MTRF1: variants seen among roughly 807,000 people sequenced by gnomAD.
The protein encoded by MTRF1 is peptide chain release factor 1, mitochondrial.
Under a neutral mutation model 62.9 loss-of-function variants are expected in MTRF1, and 51 were observed. The observed-to-expected ratio is 0.81, with a 90% CI of 0.65 to 1.02. MTRF1 has a LOEUF of 1.02. Among genes scored for constraint, MTRF1 ranks in the 50% least tolerant of loss-of-function variants. MTRF1 has a pLI of 0.00. For synonymous variants in MTRF1, 158 were observed against 181.9 expected (o/e 0.87, Z 1.06); for missense variants, 446 against 530.0 (o/e 0.84, Z 1.56).
chr13:41,246,085 G>C (rs911153382), intron 5 of MTRF1, among the ~76,000 whole-genome samples: 1 of 152,114 alleles, frequency 6.6e-6, no homozygotes, highest in African/African-American at 2.4e-5. Context: ...CCTCCTCCCA[G>C]CTCCAGCTCA....
intron 5 of MTRF1, among the ~76,000 whole-genome samples, chr13:41,245,215 C>T (rs990521312): frequency 1.3e-5 from 2 of 151,150 alleles, no homozygotes; most frequent in African/African-American, 4.8e-5. Context: ...CATTTCTAAT[C>T]CTGATTTATC....
chr13:41,273,131 C>T, the MTRF1 span, among the ~76,000 whole-genome samples: 4 of 151,866 alleles, frequency 2.6e-5, no homozygotes. Context: ...TCGAGACCAT[C>T]CTAGCTAACA....
intron 5 of MTRF1, among the ~76,000 whole-genome samples, chr13:41,241,432 G>A (rs111433084): frequency 9.5e-4 from 145 of 152,218 alleles, no homozygotes; most frequent in African/African-American, 3.3e-3. Context: ...CAAATATGTG[G>A]TTTAGAGTCC....
chr13:41,252,610 G>T, intron 5 of MTRF1, 35 bp downstream of exon 5: 1 of 1,497,790 alleles, frequency 6.7e-7, no homozygotes, highest in Non-Finnish European at 9.2e-7. Context: ...ATAATTTTCA[G>T]TATCTCCTAC....
In MTRF1 at chr13:41,216,879, T is replaced by C. The variant is rs1261197682; in HGVS notation, c.*236A>G. 3.7e-6 allele frequency: 1 copy of C among 273,488 alleles called. No homozygotes were observed. Among genetic ancestry groups the C allele is most frequent in the African/African-American group, 2.2e-5 (1 of 45,426 alleles). 16.9% of individuals were successfully genotyped at this position (273,488 alleles called of 1,614,324 possible). ...CAATCAATTCTCAATACTTTCTCTT[T>C]TCAATGATGCATGCTTATTTTCTAC... On this transcript the variant is annotated 3_prime_UTR_variant, in exon 10 of 10. Coordinates refer to ENST00000379480, the MANE Select transcript of MTRF1 (RefSeq NM_004294.4).
chr13:41,225,730 A>C (rs974024146), intron 8 of MTRF1, among the ~76,000 whole-genome samples: 1 of 151,284 alleles, frequency 6.6e-6, no homozygotes, highest in African/African-American at 2.4e-5. Flanking sequence ...AATCGCTTGA[A>C]CCAGGGAGGT....
upstream of MTRF1, among the ~76,000 whole-genome samples, chr13:41,263,859 C>T (rs1472323996): frequency 6.6e-6 from 1 of 152,138 alleles, no homozygotes; most frequent in Non-Finnish European, 1.5e-5. Context: ...ACTCCCAGAG[C>T]GCCCACCAAA....
At chr13:41,250,993 C>T (rs954236845) in intron 5 of MTRF1, among the ~76,000 whole-genome samples, 9 of 152,150 alleles carry the variant, frequency 5.9e-5, no homozygotes, top group African/African-American at 2.2e-4. Flanking sequence ...CTGGATCAAA[C>T]AGACTAAAAT....
chr13:41,241,381 T>A (rs1262401518), intron 5 of MTRF1, among the ~76,000 whole-genome samples: 1 of 152,174 alleles, frequency 6.6e-6, no homozygotes, highest in Non-Finnish European at 1.5e-5. Flanking sequence ...AAATCTTTTT[T>A]ATGATACAAT....
chr13:41,244,528 C>T (rs1270911933), intron 5 of MTRF1, among the ~76,000 whole-genome samples: 1 of 152,222 alleles, frequency 6.6e-6, no homozygotes, highest in East Asian at 1.9e-4. Context: ...GGATCCCTGC[C>T]TGCTGGTATT....
the MTRF1 span, among the ~76,000 whole-genome samples, chr13:41,298,830 G>A: frequency 2.6e-5 from 4 of 152,208 alleles, no homozygotes; most frequent in Non-Finnish European, 4.4e-5. Context: ...CAGAACAGCG[G>A]AAGAAGGAGG....
chr13:41,220,611 G>A, intron 9 of MTRF1: 1 of 1,288,354 alleles, frequency 7.8e-7, no homozygotes, highest in Non-Finnish European at 1.0e-6. Flanking sequence ...AATGTGCAGG[G>A]TCACGACTAC....
At chr13:41,237,498 T>C (rs557559939) in intron 6 of MTRF1, among the ~76,000 whole-genome samples, 76 of 152,166 alleles carry the variant, frequency 5.0e-4, no homozygotes, top group African/African-American at 1.8e-3. Context: ...GCTCACACTA[T>C]GCATTCTTTT....
chr13:41,306,527 A>G, the MTRF1 span, among the ~76,000 whole-genome samples: 2 of 152,366 alleles, frequency 1.3e-5, no homozygotes, highest in South Asian at 4.1e-4. Flanking sequence ...GGCTGTGGGA[A>G]TAGCAGCAAA....
the MTRF1 span, among the ~76,000 whole-genome samples, chr13:41,280,740 A>G: frequency 6.6e-6 from 1 of 152,194 alleles, no homozygotes; most frequent in African/African-American, 2.4e-5. Flanking sequence ...TTTGCCTCAG[A>G]ATAAATCTCT....
chr13:41,233,984 CT>C lies in MTRF1; in HGVS notation c.893del (p.Lys298ArgfsTer5). The C allele has an allele frequency of 6.2e-7, 1 of 1,613,992 alleles. No homozygotes were observed. The highest frequency in any genetic ancestry group is 8.5e-7 in the Non-Finnish European group (1 of 1,179,880). ...PDEVDVKLDP[K>X]DLRIDTFRAK... ...CTCGAAATGTATCTATTCGCAAATC[CT>C]TGGGGTCCAATTTCACATCCACCTA... On this transcript the variant is annotated frameshift_variant, in exon 7 of 10. Coordinates refer to ENST00000379480, the MANE Select transcript of MTRF1 (RefSeq NM_004294.4). LOFTEE classifies it high-confidence loss of function.
chr13:41,290,191 G>A, the MTRF1 span, among the ~76,000 whole-genome samples: 1 of 148,156 alleles, frequency 6.7e-6, no homozygotes. Context: ...CCGCCTCCCG[G>A]GTTTTACGCC....
intron 2 of MTRF1, among the ~76,000 whole-genome samples, chr13:41,255,259 G>A (rs756339852): frequency 1.3e-5 from 2 of 152,006 alleles, no homozygotes; most frequent in Non-Finnish European, 2.9e-5. Context: ...TGCCCAGGCT[G>A]GAGTAGCTAT....
chr13:41,283,384 A>G, the MTRF1 span, among the ~76,000 whole-genome samples: 5 of 152,132 alleles, frequency 3.3e-5, no homozygotes, highest in African/African-American at 1.2e-4. Flanking sequence ...GGTAGCTTCA[A>G]TTAATGTCCC....
Sources: gnomAD v4.1 joint callset for allele counts (sites outside exome capture counted in the v4.1 genomes callset) on GRCh38, gnomAD v4.1.1 for gene constraint, MANE v1.5 for transcripts, NCBI Gene and HGNC (gene_info 2026-07-23, HGNC 2026-07-21) for gene names.